OR10R2: variants seen among roughly 807,000 people sequenced by gnomAD.
OR10R2 encodes olfactory receptor family 10 subfamily R member 2, also known as olfactory receptor 10R2.
A neutral mutation model predicts 2.4 loss-of-function variants in OR10R2; 1 was observed. The observed-to-expected ratio is 0.41, with a 90% CI of 0.15 to 1.95. OR10R2 has a LOEUF of 1.95. Among genes scored for constraint, OR10R2 ranks in the 30% most tolerant of loss-of-function variants. The pLI is 0.30. For missense variants in OR10R2, 419 were observed against 373.0 expected (o/e 1.12, Z -1.01); for synonymous variants, 166 against 144.8 (o/e 1.15, Z -1.05).
At chr1:158,480,926 T>C in exon 2 of OR10R2, 1 of 920,170 alleles carries the variant, frequency 1.1e-6, no homozygotes, top group Non-Finnish European at 1.6e-6. Context: ...ATAATGCCTT[T>C]TTATCACAAG....
intron 1 of OR10R2, among the ~76,000 whole-genome samples, chr1:158,472,557 G>T (rs1043847938): frequency 1.3e-5 from 2 of 152,108 alleles, no homozygotes; most frequent in Non-Finnish European, 2.9e-5. Flanking sequence ...TTGGAGATTT[G>T]GTCTTTATTC....
rs117061376 is a variant in OR10R2 at position 158,477,229 on chromosome 1, T to A, written c.28-2709T>A. ...ATCTGTGACAAATCCACAGCCAACATCATATTCAACAAGCAAAAGCTGGAA... is the reference window on the plus strand; with the variant it reads ...ATCTGTGACAAATCCACAGCCAACAACATATTCAACAAGCAAAAGCTGGAA... On this transcript the variant is annotated intron_variant, in intron 1 of 1. Transcript: ENST00000641067. Among the ~76,000 whole-genome samples, 17 of 152,142 alleles carry A rather than the reference T, an allele frequency of 1.1e-4. No homozygotes were observed. In the East Asian group the frequency reaches 2.9e-3, roughly 26 times the overall value.
At chr1:158,480,858 G>C in exon 2 of OR10R2, 2 of 1,530,230 alleles carry the variant, frequency 1.3e-6, no homozygotes, top group Non-Finnish European at 1.8e-6. Context: ...TGTTGGGCAA[G>C]AAAGGTTCTC....
intron 1 of OR10R2, among the ~76,000 whole-genome samples, chr1:158,473,634 TG>T (rs1165117649): frequency 6.6e-6 from 1 of 152,164 alleles, no homozygotes; most frequent in Non-Finnish European, 1.5e-5. Flanking sequence ...ATTAAAACAT[TG>T]GGATAAAATC....
intron 1 of OR10R2, among the ~76,000 whole-genome samples, chr1:158,473,402 A>G (rs1371369598): frequency 6.6e-6 from 1 of 152,248 alleles, no homozygotes; most frequent in Non-Finnish European, 1.5e-5. Context: ...ACAAGGGTAA[A>G]GATCTTTGGT....
exon 2 of OR10R2, chr1:158,480,647 C>T (rs149832721): frequency 4.8e-5 from 77 of 1,613,808 alleles, no homozygotes; most frequent in African/African-American, 2.7e-4. Flanking sequence ...AGACGGAAAG[C>T]GTTTTCCACC....
At chr1:158,473,180 A>G (rs1656194927) in intron 1 of OR10R2, among the ~76,000 whole-genome samples, 1 of 152,208 alleles carries the variant, frequency 6.6e-6, no homozygotes, top group Non-Finnish European at 1.5e-5. Context: ...TTGCTTAATT[A>G]TAATTTTGTC....
exon 2 of OR10R2, chr1:158,480,574 T>G: frequency 5.0e-6 from 8 of 1,613,320 alleles, no homozygotes; most frequent in Non-Finnish European, 5.9e-6. Context: ...TCCCTTTCTG[T>G]TTATCTGTGT....
intron 1 of OR10R2, among the ~76,000 whole-genome samples, chr1:158,475,158 T>C (rs1656247954): frequency 1.3e-5 from 2 of 152,180 alleles, no homozygotes; most frequent in African/African-American, 4.8e-5. Flanking sequence ...GTTACCTTCC[T>C]CTAGATTCCA....
chr1:158,477,979 T>A (rs1656302475), intron 1 of OR10R2, among the ~76,000 whole-genome samples: 1 of 151,846 alleles, frequency 6.6e-6, no homozygotes, highest in South Asian at 2.1e-4. Context: ...AGGAACATAA[T>A]AAAAAACTAA....
At position 158,472,365 on chromosome 1, in the gene OR10R2, T is replaced by C. The variant is rs1225338245; in HGVS notation, c.27+13T>C. 2.5e-6 allele frequency: 1 copy of C among 398,910 alleles called. No homozygotes were observed. The highest frequency in any genetic ancestry group is 4.4e-6 in the Non-Finnish European group (1 of 226,044). The allele number at this position is 398,910 out of a possible 1,614,324, so 24.7% of individuals were successfully genotyped here. ...GGGGAGCGAAGTAGTAAGTCATTTG[T>C]TGCTGTCTTGAAAAATTTTAAGAGA... On this transcript the variant is annotated intron_variant, in intron 1 of 1. Coordinates refer to ENST00000641067, the Ensembl canonical transcript of OR10R2.
At chr1:158,476,592 A>T (rs1174197780) in intron 1 of OR10R2, among the ~76,000 whole-genome samples, 2 of 152,100 alleles carry the variant, frequency 1.3e-5, no homozygotes, top group East Asian at 3.9e-4. Flanking sequence ...ATTAAACTTA[A>T]AAAATTAATG....
At chr1:158,473,702 G>T (rs1461146848) in intron 1 of OR10R2, among the ~76,000 whole-genome samples, 1 of 151,890 alleles carries the variant, frequency 6.6e-6, no homozygotes, top group African/African-American at 2.4e-5. Flanking sequence ...CTTTTTCCTT[G>T]TCTTTCCTTC....
intron 1 of OR10R2, among the ~76,000 whole-genome samples, chr1:158,476,480 G>A (rs1185297556): frequency 4.0e-5 from 6 of 149,846 alleles, no homozygotes; most frequent in African/African-American, 1.2e-4. Flanking sequence ...CCCGGGAGGC[G>A]GAGCTTGCAG....
intron 1 of OR10R2, among the ~76,000 whole-genome samples, chr1:158,473,974 C>CT (rs1557875144): frequency 1.5e-5 from 2 of 136,118 alleles, no homozygotes; most frequent in African/African-American, 5.7e-5. Context: ...TTTTTCTTTT[C>CT]TTTCTTTTTT....
chr1:158,480,675 T>A, exon 2 of OR10R2: 1 of 1,613,768 alleles, frequency 6.2e-7, no homozygotes, highest in South Asian at 1.1e-5. Context: ...CTCACCTCAG[T>A]GTTGTTATTG....
At position 158,480,591 on chromosome 1, in the gene OR10R2, T is replaced by A. The variant is rs1656379905; in HGVS notation, c.681T>A (p.Tyr227Ter). ...CCTTTCTGTTTATCTGTGTTTCTTA[T>A]CTCTGCATTCTGAGGACTATCCTGA... Residue 227 changes from tyrosine to a stop codon, truncating the protein, a stop_gained, in exon 2 of 2, where the codon TAT (tyrosine) becomes TAA (stop). Transcript: ENST00000641067. LOFTEE classifies it low-confidence loss of function (END_TRUNC). 1 of 1,613,782 alleles carries A rather than the reference T, an allele frequency of 6.2e-7. No homozygotes were observed. Among genetic ancestry groups the A allele is most frequent in the Admixed American group, 1.7e-5 (1 of 59,990 alleles).
At chr1:158,476,404 T>G (rs1399548605) in intron 1 of OR10R2, among the ~76,000 whole-genome samples, 1 of 151,558 alleles carries the variant, frequency 6.6e-6, no homozygotes, top group African/African-American at 2.4e-5. Context: ...AAAAATTAGC[T>G]GGGCGTGGTG....
rs114106431 is a variant in OR10R2, at chr1:158,478,764, A to C, written c.28-1174A>C. On this transcript the variant is annotated intron_variant, in intron 1 of 1. Transcript: ENST00000641067. ...GAAGGTGATAAGGATAATTCTAGTC[A>C]CTTCAGAAAATACTTATTCTGCATA... is the stretch of plus-strand genomic sequence containing the variant. Among the ~76,000 whole-genome samples, 1,193 of 152,304 alleles carry C rather than the reference A, an allele frequency of 7.8e-3. 16 individuals are homozygous for C. The highest frequency in any genetic ancestry group is 0.027 in the African/African-American group (1,134 of 41,576).
Sources: gnomAD v4.1 joint callset for allele counts (sites outside exome capture counted in the v4.1 genomes callset) on GRCh38, gnomAD v4.1.1 for gene constraint, MANE v1.5 for transcripts, NCBI Gene and HGNC (gene_info 2026-07-23, HGNC 2026-07-21) for gene names.